ENG: variants seen among roughly 807,000 people sequenced by gnomAD.
ENG encodes endoglin.
A neutral mutation model predicts 71.0 loss-of-function variants in ENG; 17 were observed. The observed-to-expected ratio is 0.24, with a 90% CI of 0.16 to 0.36. The LOEUF (loss-of-function observed/expected upper bound fraction) is 0.36. ENG is among the 10% of genes least tolerant of loss of function. The pLI, the probability that ENG is intolerant of heterozygous loss-of-function variation, is 1.00. For missense variants in ENG, 749 were observed against 868.3 expected, an observed-to-expected ratio of 0.86 and a Z score of 1.73; for synonymous variants, 360 against 366.9, an observed-to-expected ratio of 0.98 and a Z score of 0.21.
intron 1 of ENG, among the ~76,000 whole-genome samples, chr9:127,850,836 A>G (rs778670759): frequency 1.4e-4 from 21 of 152,232 alleles, no homozygotes; most frequent in Non-Finnish European, 2.4e-4. Flanking sequence ...CACGTACCAA[A>G]ACTGTGCATT....
chr9:127,840,090 A>G (rs891615339), intron 2 of ENG, among the ~76,000 whole-genome samples: 10 of 152,036 alleles, frequency 6.6e-5, no homozygotes, highest in African/African-American at 2.4e-4. Context: ...CTTACAACAC[A>G]CCTGTGAGGT....
Position 127,854,520 on chromosome 9 carries a change from CAGG to C in ENG, c.-168_-166del. ...CCTTCTGGGGTGGCGGCCGAGGGGT[CAGG>C]AGAAGTGGACACAGGGACGCGGGGC... is the stretch of plus-strand genomic sequence containing the variant. On this transcript the variant is annotated 5_prime_UTR_variant, in exon 1 of 15. Transcript: ENST00000373203. 2 of 679,094 alleles carry C rather than the reference CAGG, an allele frequency of 2.9e-6. No homozygotes were observed. The highest frequency in any genetic ancestry group is 1.8e-5 in the African/African-American group (1 of 54,224). 42.1% of individuals were successfully genotyped at this position (679,094 alleles called of 1,614,324 possible). A position where few individuals can be genotyped will look rare whatever the true frequency, so the allele number is the denominator to read the frequency against.
At chr9:127,819,696 G>A (rs369330513) in intron 9 of ENG, 36 bp from the exon 10 acceptor site, 2 of 1,595,590 alleles carry the variant, frequency 1.3e-6, no homozygotes, top group African/African-American at 1.3e-5. Context: ...GTCAGAGCCA[G>A]AAAGGACCCC....
At chr9:127,822,001 G>A (rs1319705323) in intron 8 of ENG, among the ~76,000 whole-genome samples, 1 of 150,486 alleles carries the variant, frequency 6.6e-6, no homozygotes, top group Non-Finnish European at 1.5e-5. Flanking sequence ...AGTGAGCCGA[G>A]ATTGTACCAC....
intron 6 of ENG, 119 bp downstream of exon 6, chr9:127,825,112 G>GT (rs936537064): frequency 6.3e-7 from 1 of 1,595,094 alleles, no homozygotes; most frequent in African/African-American, 1.3e-5. Flanking sequence ...CTTCCCTCAC[G>GT]TATGGGCATA....
intron 8 of ENG, among the ~76,000 whole-genome samples, chr9:127,821,807 C>T (rs960164402): frequency 2.7e-5 from 4 of 150,714 alleles, no homozygotes; most frequent in East Asian, 2.0e-4. Context: ...TGCTTGAACC[C>T]GGGAGGCAGA....
At chr9:127,823,905 T>G (rs182709498) in intron 8 of ENG, among the ~76,000 whole-genome samples, 1 of 152,022 alleles carries the variant, frequency 6.6e-6, no homozygotes, top group African/African-American at 2.4e-5. Flanking sequence ...GGTCTCAAAC[T>G]CCTGACCTCA....
intron 1 of ENG, among the ~76,000 whole-genome samples, chr9:127,844,403 A>G (rs1031405500): frequency 2.6e-5 from 4 of 152,112 alleles, no homozygotes; most frequent in Non-Finnish European, 5.9e-5. Flanking sequence ...CTAGGATTAC[A>G]GGCATGAGCC....
At chr9:127,847,711 A>T (rs1346058966) in intron 1 of ENG, among the ~76,000 whole-genome samples, 1 of 152,180 alleles carries the variant, frequency 6.6e-6, no homozygotes, top group Non-Finnish European at 1.5e-5. Context: ...CAGCCTCCCA[A>T]GGAAGATACG....
In ENG at chr9:127,825,755, T is replaced by C; in HGVS notation, c.629A>G (p.Glu210Gly). 1 of 1,600,536 alleles carries C rather than the reference T, an allele frequency of 6.2e-7. No homozygotes were observed. The highest frequency in any genetic ancestry group is 8.5e-7 in the Non-Finnish European group (1 of 1,175,278). The change falls in exon 5 of 15, where the codon GAA (glutamate) becomes GGA (glycine). Residue 210 changes from glutamate to glycine, a missense_variant. Coordinates refer to ENST00000373203, the MANE Select transcript of ENG (RefSeq NM_001114753.3). ...CGCCTCCTTGTGGCCGGCCACGCCTTCCAAGTGGCAGCCCCGGACCAAGGC... is the reference window on the plus strand; with the variant it reads ...CGCCTCCTTGTGGCCGGCCACGCCTCCCAAGTGGCAGCCCCGGACCAAGGC... ...TPALVRGCHL[E>G]GVAGHKEAHI...
Position 127,854,510 on chromosome 9 carries a change from G to T in ENG, c.-155C>A. ...CCTGCTCCAGCCTTCTGGGGTGGCG[G>T]CCGAGGGGTCAGGAGAAGTGGACAC... is the stretch of plus-strand genomic sequence containing the variant. On this transcript the variant is annotated 5_prime_UTR_variant, in exon 1 of 15. Coordinates refer to ENST00000373203, the MANE Select transcript of ENG (RefSeq NM_001114753.3). 1.3e-6 allele frequency: 1 copy of T among 749,996 alleles called. No homozygotes were observed. Among genetic ancestry groups the T allele is most frequent in the Non-Finnish European group, 2.1e-6 (1 of 472,032 alleles). The allele number at this position is 749,996 out of a possible 1,614,324, so 46.5% of individuals were successfully genotyped here.
chr9:127,827,943 C>T (rs1443228367), intron 3 of ENG, among the ~76,000 whole-genome samples: 3 of 144,686 alleles, frequency 2.1e-5, no homozygotes, highest in Non-Finnish European at 4.5e-5. Context: ...TACTTGAACC[C>T]AGAAGGCGAA....
Position 127,824,411 on chromosome 9 carries a change from T to C in ENG, c.1027A>G (p.Thr343Ala), listed in dbSNP as rs2131886016. The change falls in exon 8 of 15, where the codon ACC becomes GCC. Residue 343 changes from threonine to alanine, a missense_variant. By Grantham distance (58) the Thr-to-Ala change is moderately conservative. Coordinates refer to ENST00000373203, the MANE Select transcript of ENG (RefSeq NM_001114753.3). ...RLQTSPAPIQTTPPKDTCSPE... is the reference protein window; with the variant it reads ...RLQTSPAPIQATPPKDTCSPE... ...CTACAAGTGTCCTTGGGAGGAGTGG[T>C]CTGGATCGGTGCGGGTGAGGTCTGC... The C allele has an allele frequency of 1.9e-6, 3 of 1,613,824 alleles. No individual in the cohort carries two copies. The highest frequency in any genetic ancestry group is 2.5e-6 in the Non-Finnish European group (3 of 1,179,984).
At chr9:127,851,520 G>A (rs887803692) in intron 1 of ENG, among the ~76,000 whole-genome samples, 2 of 151,796 alleles carry the variant, frequency 1.3e-5, no homozygotes, top group Non-Finnish European at 2.9e-5. Context: ...CACTGCACCC[G>A]GCCTGCTTGT....
intron 7 of ENG, 37 bp downstream of exon 7, chr9:127,824,763 G>GGGGAA (rs781443671): frequency 2.3e-5 from 34 of 1,465,692 alleles, no homozygotes; most frequent in Admixed American, 7.1e-5. Context: ...ATCCAAGGGA[G>GGGGAA]GGGAAGGGAA....
intron 10 of ENG, 59 bp downstream of exon 10, chr9:127,819,563 G>T: frequency 6.2e-7 from 1 of 1,608,506 alleles, no homozygotes. Context: ...CCAGGAAGAG[G>T]CCCCGGCCCA....
At chr9:127,818,401 C>G (rs769181191) in intron 11 of ENG, 24 bp from the exon 12 acceptor site, 26 of 1,611,376 alleles carry the variant, frequency 1.6e-5, no homozygotes, top group Non-Finnish European at 5.9e-6. Context: ...TAGGGCCACG[C>G]GGCATGGGCA....
chr9:127,818,081 C>T (rs900083073), intron 12 of ENG, 39 bp downstream of exon 12: 2 of 1,613,564 alleles, frequency 1.2e-6, no homozygotes, highest in Non-Finnish European at 1.7e-6. Flanking sequence ...GACCTGGAAG[C>T]TCCCACTTGA....
At chr9:127,832,471 T>A (rs1039500251) in intron 2 of ENG, among the ~76,000 whole-genome samples, 30 of 152,046 alleles carry the variant, frequency 2.0e-4, no homozygotes, top group Non-Finnish European at 4.0e-4. Context: ...GGGGCTGGGA[T>A]TCGTGCCCAG....
Sources: gnomAD v4.1 joint callset for allele counts (sites outside exome capture counted in the v4.1 genomes callset) on GRCh38, gnomAD v4.1.1 for gene constraint, MANE v1.5 for transcripts, NCBI Gene and HGNC (gene_info 2026-07-23, HGNC 2026-07-21) for gene names.